The following KCNQ4 variants were observed in gnomAD, a reference collection of about 807,000 sequenced individuals.
KCNQ4 encodes potassium voltage-gated channel subfamily KQT member 4.
Under a neutral mutation model 72.6 loss-of-function variants are expected in KCNQ4, and 31 were observed. The observed-to-expected ratio is 0.43, with a 90% confidence interval of 0.32 to 0.58. KCNQ4 has a LOEUF of 0.58. Ranked by LOEUF, KCNQ4 falls within the 20% of genes least tolerant of loss-of-function variation. The pLI is 0.08. For missense variants in KCNQ4, 869 were observed against 962.6 expected (o/e 0.90, Z 1.29); for synonymous variants, 405 against 403.7 (o/e 1.00, Z -0.04).
At chr1:40,837,624 C>T (rs1362311792) in intron 12 of KCNQ4, 41 bp from the exon 13 acceptor site, 3 of 1,597,748 alleles carry the variant, frequency 1.9e-6, no homozygotes, top group Non-Finnish European at 2.6e-6. Flanking sequence ...AAGGGAGGGA[C>T]GGCGTGTCCC....
At position 40,835,075 on chromosome 1, in the gene KCNQ4, C is replaced by T. The variant is rs748084924; in HGVS notation, c.1722C>T (p.Gly574=). 11 of 1,613,716 alleles carry T rather than the reference C, an allele frequency of 6.8e-6. No homozygotes were observed. The highest frequency in any genetic ancestry group is 9.3e-6 in the Non-Finnish European group (11 of 1,179,832). The change falls in exon 12 of 14, where the codon GGC becomes GGT. Residue 574 remains glycine (G), a synonymous_variant. Transcript: ENST00000347132. Reference sequence around the variant, plus strand: ...CAGCAGGCCACCTGGACATGCTGGGCCGGATCAAGAGCCTGCAAACTCGGT... The same window carrying T: ...CAGCAGGCCACCTGGACATGCTGGGTCGGATCAAGAGCCTGCAAACTCGGT... ...QYSAGHLDML[G]RIKSLQTRVD...
intron 1 of KCNQ4, among the ~76,000 whole-genome samples, chr1:40,810,067 A>AT (rs1300817583): frequency 6.6e-6 from 1 of 151,142 alleles, no homozygotes; most frequent in Non-Finnish European, 1.5e-5. Flanking sequence ...CTCAAAAAAA[A>AT]AAAGAACTCT....
chr1:40,825,327 C>T (rs369620112), intron 9 of KCNQ4, among the ~76,000 whole-genome samples: 14 of 152,218 alleles, frequency 9.2e-5, no homozygotes, highest in African/African-American at 3.4e-4. Flanking sequence ...GGAAGCTCGC[C>T]TCTGCCACCC....
chr1:40,834,609 A>C (rs1162597429), intron 11 of KCNQ4, among the ~76,000 whole-genome samples: 2 of 151,616 alleles, frequency 1.3e-5, no homozygotes, highest in African/African-American at 4.8e-5. Flanking sequence ...AAAAAAAAAA[A>C]ACAGAGTTAT....
chr1:40,832,947 A>G lies in KCNQ4; in HGVS notation c.1514-67A>G, dbSNP rs1648694233. ...ACACTCTACTGGTGGTTTGGCATAC[A>G]AGGGTCGGATGGGAGGTTGGGAGTG... On this transcript the variant is annotated intron_variant, in intron 10 of 13. Coordinates refer to ENST00000347132, the MANE Select transcript of KCNQ4 (RefSeq NM_004700.4). 5.2e-6 allele frequency: 6 copies of G among 1,159,150 alleles called. No homozygotes were observed. In the South Asian group the frequency reaches 7.3e-5, roughly 14 times the overall value. 71.8% of individuals were successfully genotyped at this position (1,159,150 alleles called of 1,614,324 possible). A position where few individuals can be genotyped will look rare whatever the true frequency, so the allele number is the denominator to read the frequency against.
At chr1:40,810,397 AT>A (rs1198113755) in intron 1 of KCNQ4, among the ~76,000 whole-genome samples, 1 of 152,202 alleles carries the variant, frequency 6.6e-6, no homozygotes, top group Admixed American at 6.5e-5. Context: ...GGCCTCGTCC[AT>A]CCCGTCACCA....
chr1:40,837,127 G>A (rs1308142358), intron 12 of KCNQ4, among the ~76,000 whole-genome samples: 9 of 142,456 alleles, frequency 6.3e-5, no homozygotes, highest in Admixed American at 2.9e-4. Flanking sequence ...TTGCTCTGTC[G>A]CCCAGGCTGG....
At chr1:40,800,730 C>T (rs529973712) in intron 1 of KCNQ4, among the ~76,000 whole-genome samples, 1 of 152,228 alleles carries the variant, frequency 6.6e-6, no homozygotes, top group Non-Finnish European at 1.5e-5. Flanking sequence ...GCCAGACTGG[C>T]CTTGCCCTAG....
intron 1 of KCNQ4, among the ~76,000 whole-genome samples, chr1:40,799,707 C>T (rs1369177041): frequency 6.6e-6 from 1 of 152,210 alleles, no homozygotes; most frequent in African/African-American, 2.4e-5. Context: ...TGATCAGAAA[C>T]GTGCTCCCAA....
intron 1 of KCNQ4, among the ~76,000 whole-genome samples, chr1:40,793,984 G>T (rs2148298007): frequency 6.6e-6 from 1 of 152,268 alleles, no homozygotes; most frequent in Admixed American, 6.5e-5. Context: ...ACAATTCTTG[G>T]CACATGGTCA....
rs1648883854 is a variant in KCNQ4 at position 40,838,595 on chromosome 1, C to T, written c.*72C>T. On this transcript the variant is annotated 3_prime_UTR_variant, in exon 14 of 14. Coordinates refer to ENST00000347132, the MANE Select transcript of KCNQ4 (RefSeq NM_004700.4). ...GCGCTCCGACTGCCCTCTGAGGCCT[C>T]CGGACTCCTCTCGTACTTGAACTCA... 6.6e-6 allele frequency: 9 copies of T among 1,360,564 alleles called. No individual in the cohort carries two copies. Among genetic ancestry groups the T allele is most frequent in the Non-Finnish European group, 9.5e-6 (9 of 951,028 alleles). 84.3% of individuals were successfully genotyped at this position (1,360,564 alleles called of 1,614,324 possible).
In KCNQ4 at chr1:40,794,807, A is replaced by C. The variant is rs1647359900; in HGVS notation, c.314+10400A>C. ...TGGAAATTTTACCGGTGGTGCGTGA[A>C]ATCCCTGAGTCTGGGCGCCATCCCG... On this transcript the variant is annotated intron_variant, in intron 1 of 13. Transcript: ENST00000347132. The surrounding 1 kb of genome is among the most constrained non-coding windows in gnomAD (Gnocchi z 4.2). Among the ~76,000 whole-genome samples the C allele has an allele frequency of 6.6e-6, 1 of 152,186 alleles. No individual in the cohort carries two copies. Among genetic ancestry groups the C allele is most frequent in the Non-Finnish European group, 1.5e-5 (1 of 68,038 alleles).
intron 1 of KCNQ4, among the ~76,000 whole-genome samples, chr1:40,810,236 A>G (rs866576175): frequency 9.9e-5 from 15 of 152,140 alleles, no homozygotes; most frequent in Middle Eastern, 6.8e-3. Context: ...CGACGGCCAC[A>G]TTCCCACTGC....
At chr1:40,831,841 T>G (rs1648659586) in intron 10 of KCNQ4, among the ~76,000 whole-genome samples, 1 of 152,220 alleles carries the variant, frequency 6.6e-6, no homozygotes, top group Non-Finnish European at 1.5e-5. Flanking sequence ...GCTTATCTCA[T>G]TTACTTCTCC....
chr1:40,831,107 G>T lies in KCNQ4; in HGVS notation c.1316G>T (p.Arg439Leu). 1 of 1,602,460 alleles carries T rather than the reference G, an allele frequency of 6.2e-7. No homozygotes were observed. The highest frequency in any genetic ancestry group is 8.5e-7 in the Non-Finnish European group (1 of 1,174,556). Residue 439 changes from arginine (R) to leucine (L), a missense_variant, in exon 10 of 14, where the codon CGC (arginine) becomes CTC (leucine). By Grantham distance (102) the Arg-to-Leu change is moderately radical. Coordinates refer to ENST00000347132, the MANE Select transcript of KCNQ4 (RefSeq NM_004700.4). The part of the protein sequence containing the change: ...GESSRMGIKD[R>L]IRMGSSQRRT... ...AGCAGCCGGATGGGCATCAAAGACC[G>T]CATCCGCATGGGCAGCTCCCAGCGG...
At chr1:40,791,131 T>G (rs1325578000) in intron 1 of KCNQ4, among the ~76,000 whole-genome samples, 2 of 152,094 alleles carry the variant, frequency 1.3e-5, no homozygotes, top group Admixed American at 6.5e-5. Flanking sequence ...CAAGGGAGAT[T>G]TAGAGATCTC....
intron 1 of KCNQ4, among the ~76,000 whole-genome samples, chr1:40,793,004 C>CTTTTTTTTTTTTTTT (rs10549805): frequency 2.8e-5 from 3 of 109,074 alleles, no homozygotes; most frequent in African/African-American, 3.7e-5. Flanking sequence ...TTCTTTCTTT[C>CTTTTTTTTTTTTTTT]TTTTTTTTTT....
intron 11 of KCNQ4, among the ~76,000 whole-genome samples, chr1:40,833,414 A>G (rs1648716181): frequency 6.6e-6 from 1 of 152,132 alleles, no homozygotes; most frequent in South Asian, 2.1e-4. Context: ...GTATAAAAAA[A>G]AAAAATGTAT....
At chr1:40,834,283 C>A (rs1163455728) in intron 11 of KCNQ4, among the ~76,000 whole-genome samples, 1 of 152,198 alleles carries the variant, frequency 6.6e-6, no homozygotes, top group African/African-American at 2.4e-5. Context: ...TCACCCAAGC[C>A]ATGGGAGTCA....
Sources: gnomAD v4.1 joint callset for allele counts (sites outside exome capture counted in the v4.1 genomes callset) on GRCh38, gnomAD v4.1.1 for gene constraint, Gnocchi (gnomAD v3.1) non-coding constraint, MANE v1.5 for transcripts, NCBI Gene and HGNC (gene_info 2026-07-23, HGNC 2026-07-21) for gene names.